The following CXXC4 variants were observed in gnomAD, a reference collection of about 807,000 sequenced individuals.
The protein encoded by CXXC4 is CXXC-type zinc finger protein 4.
Under a neutral mutation model 20.5 loss-of-function variants are expected in CXXC4, and 5 were observed. That is an observed-to-expected ratio of 0.24 (90% confidence interval 0.13 to 0.51). The LOEUF is 0.51. CXXC4 is among the 20% of genes least tolerant of loss of function. The probability of loss-of-function intolerance (pLI) is 0.97; values close to 1 mark genes in which losing one functional copy is unlikely to be tolerated. For missense variants in CXXC4, 419 were observed against 496.4 expected (o/e 0.84, Z 1.48); for synonymous variants, 250 against 216.4 (o/e 1.16, Z -1.36).
At chr4:104,490,685 G>C (rs1736822478) in intron 2 of CXXC4, 59 bp downstream of exon 2, 3 of 1,415,674 alleles carry the variant, frequency 2.1e-6, no homozygotes, top group African/African-American at 2.8e-5. Flanking sequence ...TCCCTGAAGG[G>C]GAGAGGGAGT....
Position 104,469,074 on chromosome 4 carries a change from T to G in CXXC4, c.*3248A>C, listed in dbSNP as rs1254321592. ...GGGAATTAAGCAACCAGGAGACATT[T>G]TTATATACTCCTACAGTGGGGGAAG... On this transcript the variant is annotated 3_prime_UTR_variant, in exon 3 of 3. Transcript: ENST00000394767. 1 of 151,990 alleles carries G rather than the reference T, an allele frequency of 6.6e-6. No individual in the cohort carries two copies. The highest frequency in any genetic ancestry group is 2.4e-5 in the African/African-American group (1 of 41,384). 9.4% of individuals were successfully genotyped at this position (151,990 alleles called of 1,614,324 possible).
intron 2 of CXXC4, chr4:104,475,083 C>T (rs1195579682): frequency 6.6e-6 from 1 of 152,094 alleles, no homozygotes; most frequent in Non-Finnish European, 1.5e-5. Flanking sequence ...GTTTTCTACA[C>T]TTACTTGATA....
chr4:104,484,567 T>C (rs1296063541), intron 2 of CXXC4, among the ~76,000 whole-genome samples: 1 of 151,964 alleles, frequency 6.6e-6, no homozygotes, highest in Non-Finnish European at 1.5e-5. Flanking sequence ...GGGTTAAAGA[T>C]TAAGAAAGAG....
rs188580750 is a variant in CXXC4 at position 104,481,041 on chromosome 4, A to G, written c.1060-8675T>C. 3.9e-4 allele frequency among the ~76,000 whole-genome samples: 60 copies of G among 152,312 alleles called. No homozygotes were observed. In the East Asian group the frequency reaches 9.4e-3, roughly 24 times the overall value. On this transcript the variant is annotated intron_variant, in intron 2 of 2. Transcript: ENST00000394767. ...AATAAAACAGAAAATATAATACTAC[A>G]GAATCACATGAGGTAGCAAGGCAGA...
Position 104,491,855 on chromosome 4 carries a change from G to A in CXXC4, c.-53C>T, listed in dbSNP as rs565622827. 6.7e-6 allele frequency: 5 copies of A among 747,648 alleles called. No individual in the cohort carries two copies. The highest frequency in any genetic ancestry group is 5.8e-5 in the South Asian group (1 of 17,322). The allele number at this position is 747,648 out of a possible 1,614,324, so 46.3% of individuals were successfully genotyped here. A position where few individuals can be genotyped will look rare whatever the true frequency, so the allele number is the denominator to read the frequency against. ...GGTGGAAGTGGGGACCGCCTGGTCCGACACCTGGGTGGAAAAGGGGGAAAG... is the reference window on the plus strand; with the variant it reads ...GGTGGAAGTGGGGACCGCCTGGTCCAACACCTGGGTGGAAAAGGGGGAAAG... On this transcript the variant is annotated 5_prime_UTR_variant, in exon 2 of 3. Coordinates refer to ENST00000394767, the MANE Select transcript of CXXC4 (RefSeq NM_025212.4).
intron 2 of CXXC4, among the ~76,000 whole-genome samples, chr4:104,485,151 C>A (rs1736655049): frequency 6.6e-6 from 1 of 152,012 alleles, no homozygotes; most frequent in African/African-American, 2.4e-5. Flanking sequence ...CCTACTTCCC[C>A]AGCTAAGATC....
At chr4:104,492,115 AC>A (rs1468641850) in intron 1 of CXXC4, 56 bp from the exon 2 acceptor site, 1 of 214,728 alleles carries the variant, frequency 4.7e-6, no homozygotes, top group Non-Finnish European at 9.2e-6. Flanking sequence ...TTAAAAATAA[AC>A]AACCTCCCTC....
chr4:104,478,434 G>A (rs1343813077), intron 2 of CXXC4, among the ~76,000 whole-genome samples: 1 of 152,056 alleles, frequency 6.6e-6, no homozygotes, highest in African/African-American at 2.4e-5. Flanking sequence ...TTGGTGGGAG[G>A]TAAAATGACA....
At chr4:104,481,268 G>A (rs1337189654) in intron 2 of CXXC4, among the ~76,000 whole-genome samples, 3 of 152,142 alleles carry the variant, frequency 2.0e-5, no homozygotes, top group African/African-American at 4.8e-5. Context: ...TGTGGCTCAC[G>A]CCTATAATCC....
At chr4:104,473,043 T>G (rs1736316502) in intron 2 of CXXC4, among the ~76,000 whole-genome samples, 1 of 151,854 alleles carries the variant, frequency 6.6e-6, no homozygotes, top group South Asian at 2.1e-4. Flanking sequence ...CACTGTTTTA[T>G]GTATAGAAAT....
At chr4:104,488,619 C>T (rs1382911667) in intron 2 of CXXC4, among the ~76,000 whole-genome samples, 1 of 152,144 alleles carries the variant, frequency 6.6e-6, no homozygotes, top group Non-Finnish European at 1.5e-5. Flanking sequence ...CCATACCCCA[C>T]CTTGTGAAGA....
In CXXC4 at chr4:104,472,079, C is replaced by T. The variant is rs1420554447; in HGVS notation, c.*243G>A. 5.8e-6 allele frequency: 2 copies of T among 343,868 alleles called. No individual in the cohort carries two copies. Among genetic ancestry groups the T allele is most frequent in the Admixed American group, 4.7e-5 (1 of 21,132 alleles). 21.3% of individuals were successfully genotyped at this position (343,868 alleles called of 1,614,324 possible). A position where few individuals can be genotyped will look rare whatever the true frequency, so the allele number is the denominator to read the frequency against. On this transcript the variant is annotated 3_prime_UTR_variant, in exon 3 of 3. Coordinates refer to ENST00000394767, the MANE Select transcript of CXXC4 (RefSeq NM_025212.4). The stretch of plus-strand genomic sequence containing the variant: ...CAACTTCACTACTATAGCTAAATTA[C>T]ATCAAAGAAAGAATCAGCGTATTGA...
chr4:104,485,110 T>C lies in CXXC4; in HGVS notation c.1059+5634A>G, dbSNP rs922836557. Among the ~76,000 whole-genome samples, 7 of 152,032 alleles carry C rather than the reference T, an allele frequency of 4.6e-5. No individual in the cohort carries two copies. In the East Asian group the frequency reaches 1.3e-3, roughly 29 times the overall value. On this transcript the variant is annotated intron_variant, in intron 2 of 2. Transcript: ENST00000394767. ...AAATACATACTTTCTTGAAAAGAAG[T>C]TTTTATAAAAGATGATGCTTCCTAG...
intron 1 of CXXC4, 173 bp downstream of exon 1, chr4:104,494,528 C>G (rs1736989556): frequency 6.6e-6 from 1 of 152,102 alleles, no homozygotes; most frequent in Middle Eastern, 3.4e-3. Context: ...ATTTGGGGAG[C>G]CTTAGAATTT....
chr4:104,487,484 G>A (rs965012968), intron 2 of CXXC4, among the ~76,000 whole-genome samples: 3 of 152,118 alleles, frequency 2.0e-5, no homozygotes, highest in African/African-American at 7.2e-5. Flanking sequence ...TATCAGAAAT[G>A]TTACTGTTGT....
chr4:104,493,050 G>T lies in CXXC4; in HGVS notation c.-257-991C>A, dbSNP rs191108163. Among the ~76,000 whole-genome samples the T allele has an allele frequency of 2.5e-3, 362 of 143,842 alleles. 2 individuals carry two copies. The highest frequency in any genetic ancestry group is 4.6e-3 in the Non-Finnish European group (291 of 63,822). 94.4% of individuals were successfully genotyped at this position (143,842 alleles called of 152,430 possible). The stretch of plus-strand genomic sequence containing the variant: ...CACTGATTTTTACATTGAGTAAAAG[G>T]GGGGGGGGCTTTAACGTGTTCTTTG... On this transcript the variant is annotated intron_variant, in intron 1 of 2. Coordinates refer to ENST00000394767, the MANE Select transcript of CXXC4 (RefSeq NM_025212.4).
In CXXC4 at chr4:104,470,750, C is replaced by G. The variant is rs1283343307; in HGVS notation, c.*1572G>C. 6.6e-6 allele frequency: 1 copy of G among 152,018 alleles called. No individual in the cohort carries two copies. Among genetic ancestry groups the G allele is most frequent in the Non-Finnish European group, 1.5e-5 (1 of 67,980 alleles). The allele number at this position is 152,018 out of a possible 1,614,324, so 9.4% of individuals were successfully genotyped here. A position where few individuals can be genotyped will look rare whatever the true frequency, so the allele number is the denominator to read the frequency against. On this transcript the variant is annotated 3_prime_UTR_variant, in exon 3 of 3. Transcript: ENST00000394767. ...AAGAACAAAAAGTTGCAGTAGGTAA[C>G]TTTGATACTCTACATATTTTTGCTA...
Position 104,473,958 on chromosome 4 carries a change from G to T in CXXC4, c.1060-1592C>A, listed in dbSNP as rs1053574375. Among the ~76,000 whole-genome samples, 3 of 151,952 alleles carry T rather than the reference G, an allele frequency of 2.0e-5. No homozygotes were observed. The East Asian group carries it at 5.8e-4, about 29-fold the overall frequency. ...AATAAAAGTATTAATTGATTAGGAT[G>T]TCAACTAGAAAACAATAAAATAAAT... On this transcript the variant is annotated intron_variant, in intron 2 of 2. Transcript: ENST00000394767.
chr4:104,473,735 CA>C lies in CXXC4; in HGVS notation c.1060-1370del, dbSNP rs1336952229. On this transcript the variant is annotated intron_variant, in intron 2 of 2. Coordinates refer to ENST00000394767, the MANE Select transcript of CXXC4 (RefSeq NM_025212.4). ...AGTGCCAATATATTTACTAGGTAAA[CA>C]AAAACACAAGAGCACATACATACAC... Among the ~76,000 whole-genome samples, 48 of 151,946 alleles carry C rather than the reference CA, an allele frequency of 3.2e-4. No homozygotes were observed. In the East Asian group the frequency reaches 6.8e-3, roughly 21 times the overall value.
Sources: gnomAD v4.1 joint callset for allele counts (sites outside exome capture counted in the v4.1 genomes callset) on GRCh38, gnomAD v4.1.1 for gene constraint, MANE v1.5 for transcripts, NCBI Gene and HGNC (gene_info 2026-07-23, HGNC 2026-07-21) for gene names.